Variants in MYO1E observed in about 807,000 individuals in gnomAD.
The protein encoded by MYO1E is unconventional myosin-Ie.
MYO1E carries 68 observed loss-of-function variants against 151.1 expected under a neutral mutation model. The observed-to-expected ratio is 0.45, with a 90% CI of 0.37 to 0.55. The LOEUF (loss-of-function observed/expected upper bound fraction) is 0.55. Ranked by LOEUF, MYO1E falls within the 20% of genes least tolerant of loss-of-function variation. The pLI is 0.00. For synonymous variants in MYO1E, 601 were observed against 501.7 expected, an observed-to-expected ratio of 1.20 and a Z score of -2.64; for missense variants, 1,363 against 1,389.3, an observed-to-expected ratio of 0.98 and a Z score of 0.30.
At chr15:59,362,406 G>A (rs1341196472) in intron 1 of MYO1E, among the ~76,000 whole-genome samples, 6 of 152,020 alleles carry the variant, frequency 3.9e-5, no homozygotes, top group East Asian at 1.9e-4. Flanking sequence ...CGTGATCTGC[G>A]GAATGTTTAT....
chr15:59,221,102 G>T (rs2079953411), intron 9 of MYO1E, among the ~76,000 whole-genome samples: 1 of 149,190 alleles, frequency 6.7e-6, no homozygotes, highest in Non-Finnish European at 1.5e-5. Context: ...CGTTGCCCAG[G>T]GTTCAAACGA....
intron 5 of MYO1E, among the ~76,000 whole-genome samples, chr15:59,232,581 T>G (rs1263779740): frequency 6.6e-6 from 1 of 152,228 alleles, no homozygotes; most frequent in East Asian, 1.9e-4. Context: ...GTTGGAGAAG[T>G]CTTTCAACAA....
intron 17 of MYO1E, among the ~76,000 whole-genome samples, chr15:59,192,861 G>T (rs1309114655): frequency 6.6e-6 from 1 of 152,152 alleles, no homozygotes; most frequent in African/African-American, 2.4e-5. Context: ...GTGTGGGTGG[G>T]TGTACAAGTG....
rs543364825 is a variant in MYO1E, at chr15:59,371,420, G to T, written c.3+1078C>A. ...GAAAAGAAGCAAGTGTGGAAACTAT[G>T]AAGCCTTGTAATAGATTTTTTTTTT... is the stretch of plus-strand genomic sequence containing the variant. On this transcript the variant is annotated intron_variant, in intron 1 of 27. Transcript: ENST00000288235. Among the ~76,000 whole-genome samples, 7 of 139,346 alleles carry T rather than the reference G, an allele frequency of 5.0e-5. No homozygotes were observed. In the South Asian group the frequency reaches 1.7e-3, roughly 34 times the overall value. The allele number at this position is 139,346 out of a possible 152,430, so 91.4% of individuals were successfully genotyped here.
intron 1 of MYO1E, among the ~76,000 whole-genome samples, chr15:59,297,506 C>G (rs2080457761): frequency 7.1e-6 from 1 of 141,516 alleles, no homozygotes; most frequent in African/African-American, 2.5e-5. Context: ...CAGTCTCAAA[C>G]TCCTGACCTC....
intron 1 of MYO1E, among the ~76,000 whole-genome samples, chr15:59,297,002 GCTAATCGCCCGGC>G (rs2080453340): frequency 2.2e-5 from 1 of 46,398 alleles, no homozygotes; most frequent in African/African-American, 4.9e-5. Flanking sequence ...ACCACGCCCG[GCTAATCGCCCGGC>G]TAATTTTTTG....
At chr15:59,339,510 T>C (rs1390687510) in intron 1 of MYO1E, among the ~76,000 whole-genome samples, 3 of 152,204 alleles carry the variant, frequency 2.0e-5, no homozygotes, top group African/African-American at 7.2e-5. Context: ...ATTGACTGCC[T>C]TCATCCAGAA....
chr15:59,207,259 C>G (rs760559223), intron 14 of MYO1E: 1 of 1,614,162 alleles, frequency 6.2e-7, no homozygotes, highest in South Asian at 1.1e-5. Flanking sequence ...TGAAGACAAA[C>G]TGAAGGGTGA....
At chr15:59,287,016 G>A (rs1203124906) in intron 1 of MYO1E, among the ~76,000 whole-genome samples, 1 of 152,108 alleles carries the variant, frequency 6.6e-6, no homozygotes, top group Non-Finnish European at 1.5e-5. Context: ...CAGGCTCAGG[G>A]CCGCTCAATG....
chr15:59,297,396 G>A (rs1167506231), intron 1 of MYO1E, among the ~76,000 whole-genome samples: 2 of 134,658 alleles, frequency 1.5e-5, no homozygotes, highest in Admixed American at 8.8e-5. Context: ...TCAGCCTCCT[G>A]AGTAGCTGGG....
chr15:59,162,848 T>TA (rs1419219429), intron 23 of MYO1E, among the ~76,000 whole-genome samples: 2 of 152,062 alleles, frequency 1.3e-5, no homozygotes, highest in Non-Finnish European at 2.9e-5. Context: ...TCTCCTAAAT[T>TA]AAAAAAACCC....
chr15:59,305,355 G>C (rs760711089), intron 1 of MYO1E, among the ~76,000 whole-genome samples: 24 of 151,868 alleles, frequency 1.6e-4, no homozygotes, highest in Non-Finnish European at 2.1e-4. Flanking sequence ...CACCATGCCC[G>C]GCTAATTTTT....
At chr15:59,176,594 TA>T (rs1226715073) in intron 19 of MYO1E, among the ~76,000 whole-genome samples, 1 of 152,012 alleles carries the variant, frequency 6.6e-6, no homozygotes, top group Non-Finnish European at 1.5e-5. Context: ...CCTGAGTAGC[TA>T]GGACAGCAGG....
At chr15:59,303,727 C>T (rs574972115) in intron 1 of MYO1E, among the ~76,000 whole-genome samples, 1 of 152,128 alleles carries the variant, frequency 6.6e-6, no homozygotes, top group African/African-American at 2.4e-5. Context: ...CCCTGGCTCA[C>T]AAATGTGACA....
chr15:59,295,152 G>A (rs2080441430), intron 1 of MYO1E, among the ~76,000 whole-genome samples: 1 of 152,088 alleles, frequency 6.6e-6, no homozygotes, highest in Non-Finnish European at 1.5e-5. Flanking sequence ...AGTAATGAAT[G>A]AGACAAAATC....
In MYO1E at chr15:59,134,859, C is replaced by T. The variant is rs2079363154; in HGVS notation, c.*2521G>A. The T allele has an allele frequency of 6.6e-6, 1 of 152,032 alleles. No homozygotes were observed. Among genetic ancestry groups the T allele is most frequent in the Admixed American group, 6.6e-5 (1 of 15,266 alleles). 9.4% of individuals were successfully genotyped at this position (152,032 alleles called of 1,614,324 possible). A position where few individuals can be genotyped will look rare whatever the true frequency, so the allele number is the denominator to read the frequency against. On this transcript the variant is annotated 3_prime_UTR_variant, in exon 28 of 28. Transcript: ENST00000288235. ...ACAGTGAACAAAATGGCAGGCCAGG[C>T]TAGATCCACAGACTAGAGGAAACCC...
chr15:59,141,966 G>T (rs1428466723), intron 26 of MYO1E, among the ~76,000 whole-genome samples: 4 of 151,728 alleles, frequency 2.6e-5, no homozygotes, highest in Admixed American at 2.0e-4. Context: ...AATTAGCCGG[G>T]CGTGGTGGCG....
At chr15:59,224,657 C>A (rs760239514) in intron 8 of MYO1E, 32 bp downstream of exon 8, 1 of 1,613,914 alleles carries the variant, frequency 6.2e-7, no homozygotes, top group South Asian at 1.1e-5. Context: ...GTTGGGAGAG[C>A]AGATCCTGCC....
At chr15:59,212,270 T>C (rs2079883757) in intron 12 of MYO1E, among the ~76,000 whole-genome samples, 2 of 151,868 alleles carry the variant, frequency 1.3e-5, no homozygotes, top group African/African-American at 2.4e-5. Flanking sequence ...GGGACTTAGA[T>C]GGCAATGGGA....
Sources: allele counts gnomAD v4.1 joint callset (sites outside exome capture counted in the v4.1 genomes callset), GRCh38; gene constraint gnomAD v4.1.1; transcripts MANE v1.5; gene names NCBI Gene and HGNC (gene_info 2026-07-23, HGNC 2026-07-21).